Variants in TACC2 observed in about 807,000 individuals in gnomAD.
TACC2 encodes the protein transforming acidic coiled-coil containing protein 2.
TACC2 carries 137 observed loss-of-function variants against 227.3 expected under a neutral mutation model. That is an observed-to-expected ratio of 0.60 (90% CI 0.52 to 0.69). TACC2 has a LOEUF of 0.69. TACC2 is among the 30% of genes least tolerant of loss of function. TACC2 has a pLI of 0.00. For missense variants in TACC2, 3,470 were observed against 3,694.4 expected, an observed-to-expected ratio of 0.94 and a Z score of 1.57; for synonymous variants, 1,523 against 1,487.5, an observed-to-expected ratio of 1.02 and a Z score of -0.55.
At chr10:122,172,475 C>T (rs919081342) in intron 7 of TACC2, among the ~76,000 whole-genome samples, 5 of 152,152 alleles carry the variant, frequency 3.3e-5, no homozygotes, top group African/African-American at 1.2e-4. Flanking sequence ...CTCCTCTGTG[C>T]CACTTATCCA....
chr10:122,132,674 C>G lies in TACC2; in HGVS notation c.5639C>G (p.Ala1880Gly), dbSNP rs1372384478. 6.2e-7 allele frequency: 1 copy of G among 1,614,222 alleles called. No individual in the cohort carries two copies. The highest frequency in any genetic ancestry group is 8.5e-7 in the Non-Finnish European group (1 of 1,180,034). The change falls in exon 6 of 23, where the codon GCT becomes GGT. Residue 1880 changes from alanine (A) to glycine (G), a missense_variant. Physicochemically the swap from Ala to Gly is moderately conservative, Grantham distance 60. Around this residue, in one of 10 missense-constraint regions of TACC2, gnomAD observed 1,924 missense variants for 1,978.3 expected, o/e 0.97. Coordinates refer to ENST00000369005, the MANE Select transcript of TACC2 (RefSeq NM_206862.4). ...APADLESPTLAASSYHGDVVG... is the reference protein window; with the variant it reads ...APADLESPTLGASSYHGDVVG... ...GCAGACCTGGAAAGCCCAACCTTAG[C>G]TGCCTCTTCCTACCACGGTGATGTT...
At chr10:122,029,732 C>T (rs373540414) in intron 2 of TACC2, among the ~76,000 whole-genome samples, 5 of 152,102 alleles carry the variant, frequency 3.3e-5, no homozygotes, top group South Asian at 4.1e-4. Flanking sequence ...GCATAGCTAT[C>T]GGGTGAGCGC....
At chr10:122,184,921 T>A (rs1231992825) in intron 7 of TACC2, among the ~76,000 whole-genome samples, 1 of 152,090 alleles carries the variant, frequency 6.6e-6, no homozygotes, top group African/African-American at 2.4e-5. Flanking sequence ...GTCTGTCCCC[T>A]GCCAGGTGCT....
intron 7 of TACC2, among the ~76,000 whole-genome samples, chr10:122,144,077 G>A (rs1308820718): frequency 6.6e-6 from 1 of 152,198 alleles, no homozygotes; most frequent in East Asian, 1.9e-4. Context: ...GGGCTAGCAA[G>A]TCTGAAATAA....
intron 2 of TACC2, among the ~76,000 whole-genome samples, chr10:122,035,600 G>A (rs1438521484): frequency 2.0e-5 from 3 of 151,944 alleles, no homozygotes; most frequent in Non-Finnish European, 1.5e-5. Context: ...TTTTATTATT[G>A]CAGTAAAATA....
chr10:122,141,000 C>G (rs1176099030), intron 6 of TACC2, among the ~76,000 whole-genome samples: 1 of 152,246 alleles, frequency 6.6e-6, no homozygotes, highest in East Asian at 1.9e-4. Context: ...AAACGGAAAG[C>G]AGGCACAGCA....
intron 5 of TACC2, among the ~76,000 whole-genome samples, chr10:122,093,093 CTCTCT>C (rs1362300180): frequency 1.4e-5 from 1 of 73,992 alleles, no homozygotes; most frequent in Non-Finnish European, 2.8e-5. Flanking sequence ...CTCTTTGTCT[CTCTCT>C]TTTTTTTTTT....
intron 11 of TACC2, among the ~76,000 whole-genome samples, chr10:122,220,420 C>T (rs1337677181): frequency 6.6e-6 from 1 of 152,118 alleles, no homozygotes; most frequent in Admixed American, 6.6e-5. Flanking sequence ...ATAAAAAATC[C>T]ATTAATGTGA....
At chr10:122,035,718 A>T (rs1360344081) in intron 2 of TACC2, among the ~76,000 whole-genome samples, 2 of 152,144 alleles carry the variant, frequency 1.3e-5, no homozygotes, top group South Asian at 2.1e-4. Context: ...GAACTTTTTC[A>T]TCTTCTCAAA....
In TACC2 at chr10:122,083,345, C is replaced by T; in HGVS notation, c.845C>T (p.Ala282Val). ...KPMAPIPQDPAPRASDRERGQ... is the reference protein window; with the variant it reads ...KPMAPIPQDPVPRASDRERGQ... Reference sequence around the variant, plus strand: ...ATGGCCCCGATCCCACAAGATCCAGCCCCAAGAGCCTCAGACAGAGAAAGA... The same window carrying T: ...ATGGCCCCGATCCCACAAGATCCAGTCCCAAGAGCCTCAGACAGAGAAAGA... Residue 282 changes from alanine (A) to valine (V), a missense_variant, in exon 4 of 23, where the codon GCC becomes GTC. By Grantham distance (64) the Ala-to-Val change is moderately conservative. Transcript: ENST00000369005. 1.2e-6 allele frequency: 2 copies of T among 1,613,960 alleles called. No homozygotes were observed. The highest frequency in any genetic ancestry group is 1.7e-6 in the Non-Finnish European group (2 of 1,180,018).
intron 7 of TACC2, chr10:122,163,729 C>G (rs983200476): frequency 2.1e-4 from 240 of 1,163,344 alleles, no homozygotes; most frequent in Non-Finnish European, 2.5e-4. Flanking sequence ...GCGGCGCTCG[C>G]CCCCCGGCCC....
chr10:122,078,093 A>G (rs972610722), intron 3 of TACC2, among the ~76,000 whole-genome samples: 5 of 150,460 alleles, frequency 3.3e-5, no homozygotes, highest in African/African-American at 1.2e-4. Context: ...CACTCGGGAG[A>G]CTGAGGCAGG....
intron 5 of TACC2, among the ~76,000 whole-genome samples, chr10:122,113,864 C>T (rs1336615394): frequency 6.6e-6 from 1 of 152,254 alleles, no homozygotes; most frequent in Non-Finnish European, 1.5e-5. Context: ...CCGCAGAGTG[C>T]GCCTCTGCCT....
chr10:122,172,968 CT>C (rs1299071146), intron 7 of TACC2, among the ~76,000 whole-genome samples: 1 of 152,156 alleles, frequency 6.6e-6, no homozygotes, highest in Non-Finnish European at 1.5e-5. Context: ...AGCCTGGGGC[CT>C]AAAGAGGTGT....
intron 3 of TACC2, among the ~76,000 whole-genome samples, chr10:122,074,038 C>T (rs902833182): frequency 2.0e-5 from 3 of 151,774 alleles, no homozygotes; most frequent in Non-Finnish European, 4.4e-5. Flanking sequence ...CCTCGGCCTC[C>T]CAAAGTGCTG....
intron 1 of TACC2, among the ~76,000 whole-genome samples, chr10:122,016,273 G>GAA (rs67951878): frequency 1.2e-4 from 15 of 122,880 alleles, no homozygotes; most frequent in Middle Eastern, 4.7e-3. Flanking sequence ...AAAAAAAAAG[G>GAA]AAAAAAAAAA....
chr10:122,119,930 A>G (rs1565353989), intron 5 of TACC2, among the ~76,000 whole-genome samples: 2 of 47,684 alleles, frequency 4.2e-5, no homozygotes, highest in Admixed American at 2.0e-4. Context: ...AAAGAAAAAA[A>G]AAAAAAAGAA....
At chr10:122,091,214 G>A (rs1262809634) in intron 5 of TACC2, among the ~76,000 whole-genome samples, 2 of 151,594 alleles carry the variant, frequency 1.3e-5, no homozygotes, top group African/African-American at 4.9e-5. Context: ...GAGATGTGCT[G>A]TAAGTGTAAA....
intron 7 of TACC2, among the ~76,000 whole-genome samples, chr10:122,145,651 T>G (rs1194178991): frequency 6.6e-6 from 1 of 152,178 alleles, no homozygotes; most frequent in Non-Finnish European, 1.5e-5. Context: ...TCATTTTTTT[T>G]AAAAGAACTT....
Sources: gnomAD v4.1 joint callset for allele counts (sites outside exome capture counted in the v4.1 genomes callset) on GRCh38, gnomAD v4.1.1 for gene constraint, gnomAD v4.1.1 regional missense constraint, MANE v1.5 for transcripts, NCBI Gene and HGNC (gene_info 2026-07-23, HGNC 2026-07-21) for gene names.